CFAP47: variants seen among roughly 807,000 people sequenced by gnomAD.
CFAP47 encodes the protein cilia- and flagella-associated protein 47.
Under a neutral mutation model 148.1 loss-of-function variants are expected in CFAP47, and 29 were observed. The observed-to-expected ratio is 0.20, with a 90% CI of 0.15 to 0.27. The LOEUF is 0.27. Among genes scored for constraint, CFAP47 ranks in the 10% least tolerant of loss-of-function variants. The pLI, the probability that CFAP47 is intolerant of heterozygous loss-of-function variation, is 1.00. For synonymous variants in CFAP47, 664 were observed against 577.3 expected, an observed-to-expected ratio of 1.15 and a Z score of -2.15; for missense variants, 1,872 against 1,697.5, an observed-to-expected ratio of 1.10 and a Z score of -1.81.
At chrX:36,288,540 ATACT>A (rs782270849) in intron 51 of CFAP47, among the ~76,000 whole-genome samples, 1 of 112,512 alleles carries the variant, frequency 8.9e-6, no homozygotes. Context: ...AGCCTTCAAA[ATACT>A]TACTTCATTG....
intron 1 of CFAP47, among the ~76,000 whole-genome samples, chrX:35,922,462 C>G (rs565410119): frequency 2.6e-4 from 29 of 112,664 alleles, no homozygotes; most frequent in African/African-American, 9.0e-4. Flanking sequence ...TGCTCAACAA[C>G]ATGCAGTTTG....
At chrX:36,155,107 A>G (rs771777779) in intron 37 of CFAP47, among the ~76,000 whole-genome samples, 94 of 111,135 alleles carry the variant, frequency 8.5e-4, no homozygotes, top group Middle Eastern at 4.6e-3. Context: ...TTATATATAT[A>G]TAAATTGCTA....
intron 4 of CFAP47, among the ~76,000 whole-genome samples, chrX:35,950,658 G>A (rs1391188461): frequency 1.8e-5 from 2 of 111,374 alleles, no homozygotes; most frequent in Non-Finnish European, 3.8e-5. Flanking sequence ...ACAGGTGTGA[G>A]ATCACACCCA....
intron 36 of CFAP47, among the ~76,000 whole-genome samples, chrX:36,145,789 G>T (rs2146838618): frequency 9.1e-6 from 1 of 109,309 alleles, no homozygotes; most frequent in African/African-American, 3.3e-5. Flanking sequence ...GGTGATCTTT[G>T]ATCTGTAATT....
chrX:36,008,660 C>T lies in CFAP47; in HGVS notation c.3418-6114C>T, dbSNP rs528945637. 5.5e-5 allele frequency among the ~76,000 whole-genome samples: 6 copies of T among 110,055 alleles called. No individual in the cohort carries two copies. The South Asian group carries it at 2.4e-3, about 44-fold the overall frequency. ...TGATGCTCACCTGTAATCTCAGCTA[C>T]TAGGGAGGCTGAGGCAGGAGAATCG... On this transcript the variant is annotated intron_variant, in intron 21 of 63. Transcript: ENST00000378653.
In CFAP47 at chrX:36,384,966, C is replaced by CTTT. The variant is rs1556024913; in HGVS notation, c.9526_9527insTTT (p.Ser3175_Ser3176insPhe). ...ACTAAACTCATAAGAACAGGGGTGT[C>CTTT]TTCCACCATCAAGGGTGCTCCTTTG... On this transcript the variant is annotated inframe_insertion, in exon 64 of 64. Coordinates refer to ENST00000378653, the MANE Select transcript of CFAP47 (RefSeq NM_001304548.2). The CTTT allele has an allele frequency of 8.6e-7, 1 of 1,164,734 alleles. No homozygotes were observed. The highest frequency in any genetic ancestry group is 1.8e-5 in the African/African-American group (1 of 55,762).
intron 49 of CFAP47, among the ~76,000 whole-genome samples, chrX:36,261,147 TG>T (rs1417199061): frequency 1.5e-4 from 16 of 105,463 alleles, no homozygotes; most frequent in African/African-American, 5.6e-4. Context: ...TTTTTCCTTT[TG>T]CAAGTAATTT....
At chrX:36,225,872 G>C (rs182422299) in intron 45 of CFAP47, among the ~76,000 whole-genome samples, 69 of 111,130 alleles carry the variant, frequency 6.2e-4, no homozygotes, top group East Asian at 4.3e-3. Flanking sequence ...ATCTGGTCTT[G>C]AGAGCAAGTA....
At chrX:35,964,438 G>C (rs772555224) in intron 8 of CFAP47, among the ~76,000 whole-genome samples, 10 of 111,225 alleles carry the variant, frequency 9.0e-5, no homozygotes, top group Non-Finnish European at 1.9e-4. Context: ...TTTAGGTGTG[G>C]ATCTATTTGA....
At position 36,233,180 on chromosome X, in the gene CFAP47, C is replaced by G. The variant is rs782777716; in HGVS notation, c.7015-2754C>G. 1.5e-3 allele frequency among the ~76,000 whole-genome samples: 172 copies of G among 111,341 alleles called. 1 individual carries two copies. Among genetic ancestry groups the G allele is most frequent in the African/African-American group, 5.2e-3 (158 of 30,607 alleles). On this transcript the variant is annotated intron_variant, in intron 46 of 63. Coordinates refer to ENST00000378653, the MANE Select transcript of CFAP47 (RefSeq NM_001304548.2). ...AGTCCTGGATATCCTTGTTAATCTTCTGTCTCGTAGATCTGTCTAATGTTG... is the reference window on the plus strand; with the variant it reads ...AGTCCTGGATATCCTTGTTAATCTTGTGTCTCGTAGATCTGTCTAATGTTG...
chrX:36,243,789 G>A (rs1940580191), intron 48 of CFAP47, among the ~76,000 whole-genome samples: 1 of 105,970 alleles, frequency 9.4e-6, no homozygotes, highest in African/African-American at 3.4e-5. Context: ...CCCACTGACA[G>A]CATTAGACAG....
chrX:36,230,319 G>A (rs375004969), intron 46 of CFAP47, among the ~76,000 whole-genome samples: 15 of 107,563 alleles, frequency 1.4e-4, no homozygotes, highest in Non-Finnish European at 2.3e-4. Flanking sequence ...GTGTGAGATG[G>A]TATCTCATTG....
intron 49 of CFAP47, among the ~76,000 whole-genome samples, chrX:36,270,280 A>G (rs1389452739): frequency 1.8e-5 from 2 of 110,915 alleles, no homozygotes; most frequent in Middle Eastern, 4.6e-3. Context: ...ATTTCTCCCA[A>G]CAGTGTATGA....
intron 48 of CFAP47, among the ~76,000 whole-genome samples, chrX:36,241,031 C>T (rs1940537378): frequency 1.8e-5 from 2 of 109,983 alleles, no homozygotes; most frequent in Admixed American, 9.7e-5. Flanking sequence ...GCAACTCAGA[C>T]TCTGAGGCTG....
rs782437386 is a variant in CFAP47, at chrX:36,299,025, C to T, written c.7735C>T (p.Leu2579Phe). The change falls in exon 52 of 64, where the codon CTT becomes TTT. Residue 2579 changes from leucine to phenylalanine, a missense_variant. Transcript: ENST00000378653. ...IPLSNPKDRG[L>F]HLEVQLTSAA... ...TCTCTCTAATCCAAAAGATAGAGGT[C>T]TTCACTTAGAGGTGCAGTTAACGAG... 13 of 1,154,652 alleles carry T rather than the reference C, an allele frequency of 1.1e-5. No individual in the cohort carries two copies. The South Asian group carries it at 2.5e-4, about 22-fold the overall frequency.
At position 36,319,258 on chromosome X, in the gene CFAP47, C is replaced by A. The variant is rs1382369988; in HGVS notation, c.8394C>A (p.Phe2798Leu). ...TCATGGATCATTGCTGGGATAGCTT[C>A]ATCTATGAGAGTTCTGCCTTCAGAT... ...NLVMDHCWDS[F>L]IYESSAFRFS... is the part of the protein sequence containing the mutation. Residue 2798 changes from phenylalanine to leucine, a missense_variant, in exon 57 of 64, where the codon TTC becomes TTA. Transcript: ENST00000378653. 9.7e-6 allele frequency: 11 copies of A among 1,129,132 alleles called. No homozygotes were observed. Among genetic ancestry groups the A allele is most frequent in the Non-Finnish European group, 1.2e-5 (10 of 847,277 alleles). The allele number at this position is 1,129,132 out of a possible 1,213,427, so 93.1% of individuals were successfully genotyped here. A position where few individuals can be genotyped will look rare whatever the true frequency, so the allele number is the denominator to read the frequency against.
intron 30 of CFAP47, among the ~76,000 whole-genome samples, chrX:36,091,999 T>C (rs1938193464): frequency 9.0e-6 from 1 of 111,152 alleles, no homozygotes; most frequent in African/African-American, 3.3e-5. Flanking sequence ...TTAGGAAATA[T>C]TTGCCACAAA....
Position 36,306,805 on chromosome X carries a change from C to A in CFAP47, c.8116C>A (p.Pro2706Thr). Reference protein sequence around the residue: ...IISPHSTTELPVLFYPSALGR... With the variant: ...IISPHSTTELTVLFYPSALGR... The stretch of plus-strand genomic sequence containing the variant: ...ATCTCCTCACTCCACCACAGAATTA[C>A]CTGTTCTCTTTTATCCTTCTGCACT... Residue 2706 changes from proline (P) to threonine (T), a missense_variant, in exon 55 of 64, where the codon CCT (proline) becomes ACT (threonine). By Grantham distance (38) the Pro-to-Thr change is conservative. Transcript: ENST00000378653. 6.0e-6 allele frequency: 7 copies of A among 1,160,650 alleles called. No homozygotes were observed. Among genetic ancestry groups the A allele is most frequent in the Non-Finnish European group, 8.1e-6 (7 of 867,830 alleles).
intron 39 of CFAP47, among the ~76,000 whole-genome samples, chrX:36,167,556 G>A: frequency 9.0e-6 from 1 of 111,274 alleles, no homozygotes; most frequent in East Asian, 2.9e-4. Context: ...TGGGTGCTGG[G>A]TAGAAGAAAA....
Sources: gnomAD v4.1 joint callset for allele counts (sites outside exome capture counted in the v4.1 genomes callset) on GRCh38, gnomAD v4.1.1 for gene constraint, MANE v1.5 for transcripts, NCBI Gene and HGNC (gene_info 2026-07-23, HGNC 2026-07-21) for gene names.